The following ATP2C2 variants were observed in gnomAD, a reference collection of about 807,000 sequenced individuals.
ATP2C2 encodes the protein calcium-transporting ATPase type 2C member 2.
In ATP2C2, 171 loss-of-function variants were observed where a neutral mutation model predicts 110.8. The ratio of observed to expected loss-of-function variants is 1.54; its 90% confidence interval spans 1.36 to 1.75. The LOEUF (loss-of-function observed/expected upper bound fraction) is 1.75, where lower values mean the gene tolerates loss of function less well. Among genes scored for constraint, ATP2C2 ranks in the 40% most tolerant of loss-of-function variants. ATP2C2 has a pLI of 0.00. For synonymous variants in ATP2C2, 804 were observed against 508.4 expected (o/e 1.58, Z -7.82); for missense variants, 1,963 against 1,235.0 (o/e 1.59, Z -8.84).
chr16:84,400,258 T>A (rs1362165105), intron 2 of ATP2C2, among the ~76,000 whole-genome samples: 1 of 152,218 alleles, frequency 6.6e-6, no homozygotes, highest in Non-Finnish European at 1.5e-5. Context: ...AATATTCTGA[T>A]TTCCTTTCTT....
intron 1 of ATP2C2, among the ~76,000 whole-genome samples, chr16:84,391,024 G>A (rs1904624231): frequency 6.9e-6 from 1 of 144,930 alleles, no homozygotes; most frequent in Non-Finnish European, 1.5e-5. Flanking sequence ...TGAGGCAGGA[G>A]AATGGCTTGA....
At chr16:84,460,861 C>G (rs1427881018) in intron 24 of ATP2C2, 60 bp downstream of exon 24, 4 of 1,533,888 alleles carry the variant, frequency 2.6e-6, no homozygotes, top group Non-Finnish European at 3.5e-6. Flanking sequence ...ACGCTGGGGA[C>G]TGCAGTCCCT....
chr16:84,391,039 T>A (rs919505804), intron 1 of ATP2C2, among the ~76,000 whole-genome samples: 1 of 128,180 alleles, frequency 7.8e-6, no homozygotes, highest in African/African-American at 3.0e-5. Context: ...GCTTGAGCCC[T>A]GGGGGCAGAG....
At chr16:84,410,956 C>G (rs920799787) in intron 6 of ATP2C2, 191 bp downstream of exon 6, 5 of 614,270 alleles carry the variant, frequency 8.1e-6, no homozygotes, top group Non-Finnish European at 1.5e-5. Context: ...GTCACTCAAC[C>G]TCTCTGGGCC....
chr16:84,411,004 C>G, intron 6 of ATP2C2: 1 of 561,324 alleles, frequency 1.8e-6, no homozygotes, highest in Non-Finnish European at 3.2e-6. Context: ...GGGTGCCTAG[C>G]CTGAGGACCA....
At chr16:84,449,958 G>C (rs1910106438) in intron 17 of ATP2C2, among the ~76,000 whole-genome samples, 1 of 152,226 alleles carries the variant, frequency 6.6e-6, no homozygotes, top group Non-Finnish European at 1.5e-5. Context: ...GTGAGGCCAC[G>C]CCCTGAATCC....
At chr16:84,453,983 G>C (rs530940570) in intron 20 of ATP2C2, among the ~76,000 whole-genome samples, 1 of 152,068 alleles carries the variant, frequency 6.6e-6, no homozygotes, top group African/African-American at 2.4e-5. Context: ...CTGGGATTGC[G>C]GTGTGCACCA....
At chr16:84,430,488 A>G (rs1286449382) in intron 11 of ATP2C2, among the ~76,000 whole-genome samples, 1 of 152,092 alleles carries the variant, frequency 6.6e-6, no homozygotes, top group Non-Finnish European at 1.5e-5. Context: ...TAAAAATACA[A>G]AAATCAGCTA....
At chr16:84,370,110 T>G (rs901475648) in intron 1 of ATP2C2, among the ~76,000 whole-genome samples, 3 of 151,774 alleles carry the variant, frequency 2.0e-5, no homozygotes, top group African/African-American at 7.3e-5. Flanking sequence ...TTGGTTACCA[T>G]CAGGTTTCAC....
intron 9 of ATP2C2, among the ~76,000 whole-genome samples, chr16:84,422,977 CG>C (rs1907489489): frequency 6.6e-6 from 1 of 152,066 alleles, no homozygotes. Flanking sequence ...TTTTCAAACA[CG>C]TAAGACATTT....
chr16:84,403,419 C>T (rs1184918238), intron 2 of ATP2C2, among the ~76,000 whole-genome samples: 4 of 152,140 alleles, frequency 2.6e-5, no homozygotes, highest in Non-Finnish European at 5.9e-5. Context: ...AATCGTCCTG[C>T]CTCAGCCTCC....
chr16:84,459,457 C>T, intron 23 of ATP2C2, 71 bp downstream of exon 23: 9 of 1,603,070 alleles, frequency 5.6e-6, no homozygotes, highest in Non-Finnish European at 7.7e-6. Flanking sequence ...GGGCTGCTGG[C>T]TGTGCCCCAA....
intron 23 of ATP2C2, chr16:84,459,632 T>G: frequency 1.3e-6 from 2 of 1,485,876 alleles, no homozygotes; most frequent in Non-Finnish European, 1.8e-6. Flanking sequence ...CTGGATGCTC[T>G]CTCTGGGCAA....
Position 84,462,082 on chromosome 16 carries a change from T to C in ATP2C2, c.2675T>C (p.Ile892Thr), listed in dbSNP as rs779302905. The C allele has an allele frequency of 6.2e-7, 1 of 1,613,738 alleles. No homozygotes were observed. The highest frequency in any genetic ancestry group is 8.5e-7 in the Non-Finnish European group (1 of 1,179,894). The change falls in exon 26 of 27, where the codon ATC becomes ACC. Residue 892 changes from isoleucine to threonine, a missense_variant. By Grantham distance (89) the Ile-to-Thr change is moderately conservative. Transcript: ENST00000262429. ...CTGGGGCAGCTGGCGGTCATTTACA[T>C]CCCCCCGCTGCAGAGGGTCTTCCAG... Reference protein sequence around the residue: ...SILGQLAVIYIPPLQRVFQTE... With the variant: ...SILGQLAVIYTPPLQRVFQTE...
chr16:84,450,140 C>A (rs115584762), intron 17 of ATP2C2, among the ~76,000 whole-genome samples: 4 of 152,258 alleles, frequency 2.6e-5, no homozygotes, highest in Non-Finnish European at 4.4e-5. Context: ...AGACCTTTTC[C>A]TGTCTTCCCC....
intron 4 of ATP2C2, among the ~76,000 whole-genome samples, chr16:84,409,937 C>T (rs965168056): frequency 3.9e-5 from 6 of 152,022 alleles, no homozygotes; most frequent in Admixed American, 6.6e-5. Flanking sequence ...AGGCCGGGTG[C>T]GGTGGCTCAT....
intron 26 of ATP2C2, chr16:84,462,928 G>A (rs761512138): frequency 6.5e-6 from 1 of 153,342 alleles, no homozygotes; most frequent in Non-Finnish European, 1.5e-5. Flanking sequence ...ATGACCTCCA[G>A]GCAAGACTGG....
At chr16:84,405,506 G>T (rs1597776026) in intron 3 of ATP2C2, among the ~76,000 whole-genome samples, 1 of 151,440 alleles carries the variant, frequency 6.6e-6, no homozygotes, top group Admixed American at 6.6e-5. Context: ...AAGTAAGCAT[G>T]CGCTTACTAA....
intron 23 of ATP2C2, chr16:84,459,713 A>C: frequency 1.2e-6 from 1 of 840,756 alleles, no homozygotes; most frequent in Non-Finnish European, 1.8e-6. Flanking sequence ...CCCTGATTGC[A>C]CTCCCACTCA....
Sources: allele counts gnomAD v4.1 joint callset (sites outside exome capture counted in the v4.1 genomes callset), GRCh38; gene constraint gnomAD v4.1.1; transcripts MANE v1.5; gene names NCBI Gene and HGNC (gene_info 2026-07-23, HGNC 2026-07-21).